Variants in NTM observed in about 807,000 individuals in gnomAD.
NTM encodes the protein neurotrimin.
In NTM, 13 loss-of-function variants were observed where a neutral mutation model predicts 42.1. That is an observed-to-expected ratio of 0.31 (90% confidence interval 0.20 to 0.49). The LOEUF (loss-of-function observed/expected upper bound fraction) is 0.49, where lower values mean the gene tolerates loss of function less well. NTM is among the 20% of genes least tolerant of loss of function. The pLI is 0.99. For synonymous variants in NTM, 187 were observed against 179.2 expected, an observed-to-expected ratio of 1.04 and a Z score of -0.35; for missense variants, 373 against 452.8, an observed-to-expected ratio of 0.82 and a Z score of 1.60.
At chr11:131,748,409 A>C (rs368971375) in intron 1 of NTM, among the ~76,000 whole-genome samples, 1 of 152,248 alleles carries the variant, frequency 6.6e-6, no homozygotes, top group Non-Finnish European at 1.5e-5. Context: ...TTGGAAAGAC[A>C]TTAGGAGCTT....
At chr11:131,725,748 C>T (rs926574735) in intron 1 of NTM, among the ~76,000 whole-genome samples, 2 of 152,164 alleles carry the variant, frequency 1.3e-5, no homozygotes, top group Admixed American at 6.5e-5. Context: ...GAGATGGGAA[C>T]ACACTGGATG....
chr11:131,613,443 T>A (rs1290179235), intron 1 of NTM, among the ~76,000 whole-genome samples: 3 of 152,098 alleles, frequency 2.0e-5, no homozygotes, highest in African/African-American at 4.8e-5. Flanking sequence ...TCAGCCCCCA[T>A]CCTCAGGTGG....
intron 1 of NTM, among the ~76,000 whole-genome samples, chr11:131,668,116 A>C (rs2069411556): frequency 6.6e-6 from 1 of 152,154 alleles, no homozygotes; most frequent in Admixed American, 6.5e-5. Flanking sequence ...CATGAGAAGA[A>C]GCAGGATTTG....
chr11:132,086,196 C>T (rs918435258), intron 2 of NTM, among the ~76,000 whole-genome samples: 8 of 151,678 alleles, frequency 5.3e-5, no homozygotes, highest in Non-Finnish European at 8.8e-5. Context: ...TGGTGGTGGG[C>T]GCCTGTAGTC....
At chr11:131,837,060 G>T (rs1335074783) in intron 1 of NTM, among the ~76,000 whole-genome samples, 1 of 152,110 alleles carries the variant, frequency 6.6e-6, no homozygotes, top group South Asian at 2.1e-4. Context: ...TTAAACTTTA[G>T]ATTACAGACA....
At chr11:131,853,621 G>A (rs1428423637) in intron 1 of NTM, among the ~76,000 whole-genome samples, 4 of 152,110 alleles carry the variant, frequency 2.6e-5, no homozygotes, top group South Asian at 2.1e-4. Flanking sequence ...AATATACTAC[G>A]TTTTCTTTAT....
intron 1 of NTM, among the ~76,000 whole-genome samples, chr11:131,634,499 T>G (rs10791159): frequency 0.78 from 118,990 of 152,046 alleles, 47,042 homozygotes; most frequent in Non-Finnish European, 0.85. Context: ...TCCATGACGC[T>G]AATGCACTGA....
intron 1 of NTM, chr11:131,502,728 G>C (rs1177843691): frequency 1.3e-5 from 2 of 152,220 alleles, no homozygotes; most frequent in Non-Finnish European, 2.9e-5. Flanking sequence ...CCTCCAAAAG[G>C]CAAGGACTTT....
At chr11:132,128,085 GCTGT>G (rs1179601050) in intron 2 of NTM, among the ~76,000 whole-genome samples, 1 of 152,160 alleles carries the variant, frequency 6.6e-6, no homozygotes, top group African/African-American at 2.4e-5. Flanking sequence ...TTGGCAGAAG[GCTGT>G]CTGGGGTTGT....
intron 1 of NTM, among the ~76,000 whole-genome samples, chr11:131,457,729 C>T (rs1951027067): frequency 6.6e-6 from 1 of 152,024 alleles, no homozygotes; most frequent in African/African-American, 2.4e-5. Context: ...CCTCCCCCCC[C>T]AAATTTATGT....
At chr11:132,309,319 G>T (rs1269288630) in intron 5 of NTM, among the ~76,000 whole-genome samples, 2 of 152,178 alleles carry the variant, frequency 1.3e-5, no homozygotes, top group African/African-American at 2.4e-5. Context: ...TTGATTCAGG[G>T]ATCTGTTTTA....
intron 1 of NTM, among the ~76,000 whole-genome samples, chr11:131,693,766 T>G (rs1364533204): frequency 6.6e-6 from 1 of 152,226 alleles, no homozygotes; most frequent in African/African-American, 2.4e-5. Flanking sequence ...ATCTTTTCAA[T>G]GAGCTGCAGT....
intron 1 of NTM, among the ~76,000 whole-genome samples, chr11:131,550,964 C>T (rs1315833548): frequency 6.6e-6 from 1 of 152,152 alleles, no homozygotes; most frequent in East Asian, 1.9e-4. Context: ...TGTGGATGAG[C>T]CTAGATGCAG....
chr11:131,895,162 A>T (rs182477805), intron 1 of NTM, among the ~76,000 whole-genome samples: 1 of 152,322 alleles, frequency 6.6e-6, no homozygotes, highest in East Asian at 1.9e-4. Context: ...TCACTGATAT[A>T]TAGAGTCCCA....
chr11:132,074,310 G>A (rs2058082678), intron 2 of NTM, among the ~76,000 whole-genome samples: 1 of 152,200 alleles, frequency 6.6e-6, no homozygotes. Context: ...CACCATTCTT[G>A]TGGGGACTCA....
At chr11:132,101,531 T>A (rs1253917794) in intron 2 of NTM, among the ~76,000 whole-genome samples, 1 of 149,190 alleles carries the variant, frequency 6.7e-6, no homozygotes, top group Non-Finnish European at 1.5e-5. Flanking sequence ...AATAAGGGAG[T>A]TTGGATAGAC....
At chr11:131,677,918 A>G (rs2071715863) in intron 1 of NTM, among the ~76,000 whole-genome samples, 1 of 152,150 alleles carries the variant, frequency 6.6e-6, no homozygotes, top group South Asian at 2.1e-4. Flanking sequence ...CTATAAAGTC[A>G]CAGGGTTGAT....
At chr11:132,229,801 C>T (rs2087113247) in intron 4 of NTM, among the ~76,000 whole-genome samples, 1 of 152,196 alleles carries the variant, frequency 6.6e-6, no homozygotes, top group African/African-American at 2.4e-5. Context: ...TGGGTAGCAG[C>T]AGTCACCTCT....
chr11:132,273,436 A>G (rs918323432), intron 4 of NTM, among the ~76,000 whole-genome samples: 1 of 149,494 alleles, frequency 6.7e-6, no homozygotes, highest in African/African-American at 2.5e-5. Flanking sequence ...TACTAGCTGC[A>G]TACAATGGGT....
Sources: allele counts gnomAD v4.1 joint callset (sites outside exome capture counted in the v4.1 genomes callset), GRCh38; gene constraint gnomAD v4.1.1; transcripts MANE v1.5; gene names NCBI Gene and HGNC (gene_info 2026-07-23, HGNC 2026-07-21).